Variants in SMURF2 observed in about 807,000 individuals in gnomAD.
The protein encoded by SMURF2 is E3 ubiquitin-protein ligase SMURF2.
SMURF2 carries 48 observed loss-of-function variants against 109.6 expected under a neutral mutation model. The ratio of observed to expected loss-of-function variants is 0.44; its 90% CI spans 0.35 to 0.56. The LOEUF (loss-of-function observed/expected upper bound fraction) is 0.56. Ranked by LOEUF, SMURF2 falls within the 20% of genes least tolerant of loss-of-function variation. SMURF2 has a pLI of 0.01. For missense variants in SMURF2, 575 were observed against 909.0 expected (o/e 0.63, Z 4.72); for synonymous variants, 288 against 317.1 (o/e 0.91, Z 0.97).
chr17:64,562,437 T>G (rs1969234917), intron 11 of SMURF2, among the ~76,000 whole-genome samples: 1 of 149,532 alleles, frequency 6.7e-6, no homozygotes, highest in African/African-American at 2.5e-5. Context: ...TGGAGTACAA[T>G]GGTACAATCT....
At chr17:64,557,480 AGG>A in intron 13 of SMURF2, 126 bp downstream of exon 13, 1 of 641,850 alleles carries the variant, frequency 1.6e-6, no homozygotes, top group Non-Finnish European at 2.7e-6. Context: ...ATTTTATAGA[AGG>A]GGAATTGCTG....
chr17:64,613,100 A>C (rs77770724), intron 1 of SMURF2, among the ~76,000 whole-genome samples: 2,244 of 152,296 alleles, frequency 0.015, 50 homozygotes, highest in African/African-American at 0.051. Context: ...AATGTTATTT[A>C]TCTGTAAAAA....
At chr17:64,565,580 T>TAAA (rs1969288369) in intron 10 of SMURF2, among the ~76,000 whole-genome samples, 2 of 151,324 alleles carry the variant, frequency 1.3e-5, no homozygotes, top group South Asian at 4.2e-4. Flanking sequence ...GGGAAATAAG[T>TAAA]AATTAGTGTT....
intron 12 of SMURF2, among the ~76,000 whole-genome samples, chr17:64,560,111 AG>A (rs1969190956): frequency 6.6e-6 from 1 of 151,370 alleles, no homozygotes; most frequent in East Asian, 2.0e-4. Context: ...GCTCTTTAGG[AG>A]GCTGAGGCAG....
chr17:64,546,018 A>G, intron 18 of SMURF2, 71 bp from the exon 19 acceptor site: 1 of 1,004,828 alleles, frequency 1.0e-6, no homozygotes, highest in East Asian at 2.4e-5. Flanking sequence ...AGTGTATACC[A>G]GTATAGCCAC....
At chr17:64,548,199 G>A (rs1326253062) in intron 16 of SMURF2, among the ~76,000 whole-genome samples, 6 of 152,068 alleles carry the variant, frequency 3.9e-5, no homozygotes, top group African/African-American at 1.4e-4. Context: ...ATACAGATAT[G>A]TGCCTTCTTT....
At chr17:64,633,390 C>G (rs562839354) in intron 1 of SMURF2, among the ~76,000 whole-genome samples, 69 of 152,318 alleles carry the variant, frequency 4.5e-4, no homozygotes, top group African/African-American at 1.6e-3. Context: ...AAAGAGAAAG[C>G]AGAGTATAAA....
At chr17:64,613,833 C>T (rs1285673100) in intron 1 of SMURF2, among the ~76,000 whole-genome samples, 1 of 150,992 alleles carries the variant, frequency 6.6e-6, no homozygotes, top group Admixed American at 6.6e-5. Context: ...ATTATTATTA[C>T]ATTGTAATAT....
At chr17:64,625,660 C>A (rs1416323781) in intron 1 of SMURF2, among the ~76,000 whole-genome samples, 1 of 152,154 alleles carries the variant, frequency 6.6e-6, no homozygotes, top group African/African-American at 2.4e-5. Context: ...CGTATCTTAT[C>A]TCTTCCTAGA....
At chr17:64,643,295 T>C (rs1970514293) in intron 1 of SMURF2, among the ~76,000 whole-genome samples, 1 of 152,124 alleles carries the variant, frequency 6.6e-6, no homozygotes, top group Non-Finnish European at 1.5e-5. Context: ...AGTGCTGAGA[T>C]TACAGGCATG....
chr17:64,569,324 A>G (rs2144618038), intron 10 of SMURF2, among the ~76,000 whole-genome samples: 1 of 152,260 alleles, frequency 6.6e-6, no homozygotes, highest in African/African-American at 2.4e-5. Context: ...TCCATACACA[A>G]AAGTAAAGTC....
intron 1 of SMURF2, among the ~76,000 whole-genome samples, chr17:64,616,852 T>G (rs1028598418): frequency 1.3e-5 from 2 of 151,636 alleles, no homozygotes; most frequent in African/African-American, 2.4e-5. Context: ...GCTGATGGTT[T>G]GAGCCTAGGA....
chr17:64,546,799 T>C (rs1013692466), intron 17 of SMURF2, among the ~76,000 whole-genome samples: 1 of 152,214 alleles, frequency 6.6e-6, no homozygotes, highest in African/African-American at 2.4e-5. Context: ...TATAAATACA[T>C]GTAGCAGAAA....
chr17:64,643,519 G>C (rs1970517706), intron 1 of SMURF2, among the ~76,000 whole-genome samples: 1 of 152,006 alleles, frequency 6.6e-6, no homozygotes, highest in African/African-American at 2.4e-5. Flanking sequence ...GCTTTAAATC[G>C]GGTTCAATAA....
chr17:64,568,511 G>A (rs143720791), intron 10 of SMURF2, among the ~76,000 whole-genome samples: 157 of 152,122 alleles, frequency 1.0e-3, no homozygotes, highest in African/African-American at 3.6e-3. Context: ...AAGTACTTTG[G>A]GTATGTTACA....
At chr17:64,621,280 A>G (rs1555690568) in intron 1 of SMURF2, among the ~76,000 whole-genome samples, 1 of 152,190 alleles carries the variant, frequency 6.6e-6, no homozygotes, top group Non-Finnish European at 1.5e-5. Context: ...GAAGACTGCA[A>G]CTATAAAAAG....
At chr17:64,625,970 C>A (rs1466352024) in intron 1 of SMURF2, among the ~76,000 whole-genome samples, 1 of 152,064 alleles carries the variant, frequency 6.6e-6, no homozygotes, top group Non-Finnish European at 1.5e-5. Flanking sequence ...ACATTAAGAA[C>A]CTCATTAAAG....
intron 1 of SMURF2, among the ~76,000 whole-genome samples, chr17:64,643,803 G>A (rs1384460815): frequency 2.6e-5 from 4 of 152,118 alleles, no homozygotes; most frequent in Non-Finnish European, 5.9e-5. Flanking sequence ...AATTCTCAGA[G>A]GAGATGATGC....
At chr17:64,569,205 G>A (rs1969361565) in intron 10 of SMURF2, among the ~76,000 whole-genome samples, 1 of 151,970 alleles carries the variant, frequency 6.6e-6, no homozygotes, top group Non-Finnish European at 1.5e-5. Flanking sequence ...GAAGGCTGAG[G>A]CAGGAGAATT....
Sources: allele counts gnomAD v4.1 joint callset (sites outside exome capture counted in the v4.1 genomes callset), GRCh38; gene constraint gnomAD v4.1.1; transcripts MANE v1.5; gene names NCBI Gene and HGNC (gene_info 2026-07-23, HGNC 2026-07-21).